PLEKHA6: variants seen among roughly 807,000 people sequenced by gnomAD.
PLEKHA6 encodes pleckstrin homology domain-containing family A member 6.
Under a neutral mutation model 116.7 loss-of-function variants are expected in PLEKHA6, and 60 were observed. The ratio of observed to expected loss-of-function variants is 0.51; its 90% CI spans 0.42 to 0.64. The LOEUF (loss-of-function observed/expected upper bound fraction) is 0.64, where lower values mean the gene tolerates loss of function less well. Ranked by LOEUF, PLEKHA6 falls within the 30% of genes least tolerant of loss-of-function variation. PLEKHA6 has a pLI of 0.00. For synonymous variants in PLEKHA6, 489 were observed against 556.1 expected (o/e 0.88, Z 1.70); for missense variants, 1,338 against 1,422.7 (o/e 0.94, Z 0.96).
intron 5 of PLEKHA6, among the ~76,000 whole-genome samples, chr1:204,265,891 G>C (rs1666750686): frequency 6.6e-6 from 1 of 152,198 alleles, no homozygotes. Flanking sequence ...GGAGCCTGAT[G>C]GATTGGCCAG....
At chr1:204,287,708 T>C (rs958390022) in intron 1 of PLEKHA6, among the ~76,000 whole-genome samples, 3 of 151,966 alleles carry the variant, frequency 2.0e-5, no homozygotes, top group African/African-American at 7.3e-5. Context: ...CGTGGCCCCA[T>C]CCAGGAAATC....
At chr1:204,240,333 C>T (rs188959873) in intron 17 of PLEKHA6, among the ~76,000 whole-genome samples, 161 of 152,330 alleles carry the variant, frequency 1.1e-3, no homozygotes, top group African/African-American at 3.7e-3. Flanking sequence ...TGCTGAGGTG[C>T]TTGCTGAAGG....
At chr1:204,319,791 G>A (rs1297791384) in intron 1 of PLEKHA6, among the ~76,000 whole-genome samples, 1 of 152,116 alleles carries the variant, frequency 6.6e-6, no homozygotes, top group African/African-American at 2.4e-5. Context: ...AAGAAAGGGA[G>A]GAAAGGGAGG....
chr1:204,235,759 C>A (rs529496881), intron 17 of PLEKHA6, among the ~76,000 whole-genome samples: 1 of 152,268 alleles, frequency 6.6e-6, no homozygotes, highest in East Asian at 1.9e-4. Context: ...CTCTTATGAA[C>A]CTTTTTTTGC....
At chr1:204,309,442 C>G (rs1428918078) in intron 1 of PLEKHA6, 1 of 152,240 alleles carries the variant, frequency 6.6e-6, no homozygotes, top group Non-Finnish European at 1.5e-5. Context: ...TGCATTTTTC[C>G]TGTACTTTTT....
chr1:204,276,679 CAG>C (rs1668046562), intron 1 of PLEKHA6, among the ~76,000 whole-genome samples: 1 of 140,930 alleles, frequency 7.1e-6, no homozygotes, highest in Admixed American at 7.1e-5. Context: ...CACACACACA[CAG>C]AAGCATACAC....
At chr1:204,299,663 A>G (rs1445230245) in intron 1 of PLEKHA6, 1 of 984,512 alleles carries the variant, frequency 1.0e-6, no homozygotes, top group Non-Finnish European at 1.2e-6. Context: ...CTACTGTCTT[A>G]GGGCCTCACA....
At chr1:204,352,075 A>G (rs2103366505) in intron 1 of PLEKHA6, among the ~76,000 whole-genome samples, 1 of 151,482 alleles carries the variant, frequency 6.6e-6, no homozygotes, top group East Asian at 1.9e-4. Context: ...CTTTGTCTCA[A>G]AAAAAAAGAT....
intron 1 of PLEKHA6, among the ~76,000 whole-genome samples, chr1:204,283,538 G>A (rs1668856638): frequency 6.6e-6 from 1 of 152,198 alleles, no homozygotes. Flanking sequence ...TTTAGAATCA[G>A]GGAAGCTGAG....
chr1:204,307,876 G>A lies in PLEKHA6; in HGVS notation c.-94-33067C>T. ...GCAGTTCAAGTCCAGGTGCTTAAGTGGCACTCAGGATCGAGGCAATAAGGG... is the reference window on the plus strand; with the variant it reads ...GCAGTTCAAGTCCAGGTGCTTAAGTAGCACTCAGGATCGAGGCAATAAGGG... On this transcript the variant is annotated intron_variant, in intron 1 of 22. Coordinates refer to ENST00000272203, the MANE Select transcript of PLEKHA6 (RefSeq NM_014935.5). 4.1e-6 allele frequency: 4 copies of A among 985,408 alleles called. No individual in the cohort carries two copies. The South Asian group carries it at 1.9e-4, about 46-fold the overall frequency. 61.0% of individuals were successfully genotyped at this position (985,408 alleles called of 1,614,324 possible).
chr1:204,345,411 C>G lies in PLEKHA6; in HGVS notation c.-95+14283G>C, dbSNP rs899561635. ...CTTCCCCTATGCCTGCCAACCCAGG[C>G]TTCTTTGCTCAGCCCCCTGGCCCCA... On this transcript the variant is annotated intron_variant, in intron 1 of 22. Transcript: ENST00000272203. Among the ~76,000 whole-genome samples, 10 of 152,152 alleles carry G rather than the reference C, an allele frequency of 6.6e-5. No individual in the cohort carries two copies. In the East Asian group the frequency reaches 1.5e-3, roughly 23 times the overall value.
At chr1:204,344,277 G>A (rs1043697660) in intron 1 of PLEKHA6, among the ~76,000 whole-genome samples, 3 of 152,084 alleles carry the variant, frequency 2.0e-5, no homozygotes, top group Non-Finnish European at 2.9e-5. Context: ...CCTCTAAGCC[G>A]GCTGAAAATA....
chr1:204,234,077 A>T (rs914930579), intron 17 of PLEKHA6, among the ~76,000 whole-genome samples: 3 of 152,216 alleles, frequency 2.0e-5, no homozygotes, highest in Admixed American at 6.5e-5. Flanking sequence ...ATCTGGAAAT[A>T]GGTCTCTGCA....
At chr1:204,330,903 C>A (rs1488691749) in intron 1 of PLEKHA6, among the ~76,000 whole-genome samples, 1 of 152,132 alleles carries the variant, frequency 6.6e-6, no homozygotes, top group Non-Finnish European at 1.5e-5. Context: ...CTGGAAAGAA[C>A]AAGCATCTCG....
chr1:204,287,025 C>G (rs772745717), intron 1 of PLEKHA6, among the ~76,000 whole-genome samples: 1 of 152,088 alleles, frequency 6.6e-6, no homozygotes, highest in Non-Finnish European at 1.5e-5. Context: ...CCTTATCGCT[C>G]GAATCTGCTT....
At position 204,274,722 on chromosome 1, in the gene PLEKHA6, C is replaced by T. The variant is rs1457285755; in HGVS notation, c.-14+7G>A. 4 of 985,780 alleles carry T rather than the reference C, an allele frequency of 4.1e-6. No homozygotes were observed. The African/African-American group carries it at 5.2e-5, about 13-fold the overall frequency. 61.1% of individuals were successfully genotyped at this position (985,780 alleles called of 1,614,324 possible). A position where few individuals can be genotyped will look rare whatever the true frequency, so the allele number is the denominator to read the frequency against. On this transcript the variant is annotated splice_region_variant and intron_variant, in intron 2 of 22. Transcript: ENST00000272203. Reference sequence around the variant, plus strand: ...AAGCCCAAACAGCAAGTAGGGGACACACTTACATTTTCAAGTCAAATTTTT... The same window carrying T: ...AAGCCCAAACAGCAAGTAGGGGACATACTTACATTTTCAAGTCAAATTTTT...
rs977568752 is a variant in PLEKHA6 at position 204,251,668 on chromosome 1, C to T, written c.1525-1054G>A. 1.0e-5 allele frequency: 7 copies of T among 685,662 alleles called. No individual in the cohort carries two copies. The African/African-American group carries it at 1.1e-4, about 10-fold the overall frequency. The allele number at this position is 685,662 out of a possible 1,614,324, so 42.5% of individuals were successfully genotyped here. On this transcript the variant is annotated intron_variant, in intron 9 of 22. Transcript: ENST00000272203. ...CTCCGACCTACATGTAGGTATCTCC[C>T]CTTCACCCACCTGTGCTTGTTTCCC...
chr1:204,313,687 T>C (rs1359291293), intron 1 of PLEKHA6: 1 of 985,340 alleles, frequency 1.0e-6, no homozygotes, highest in Non-Finnish European at 1.2e-6. Flanking sequence ...TCTTTGAGAT[T>C]TTCACCTGAC....
intron 1 of PLEKHA6, among the ~76,000 whole-genome samples, chr1:204,306,561 TGG>T (rs1313218573): frequency 6.6e-6 from 1 of 152,208 alleles, no homozygotes; most frequent in East Asian, 1.9e-4. Context: ...TTTGATCCCT[TGG>T]GTTGGTTCAA....
Sources: allele counts gnomAD v4.1 joint callset (sites outside exome capture counted in the v4.1 genomes callset), GRCh38; gene constraint gnomAD v4.1.1; transcripts MANE v1.5; gene names NCBI Gene and HGNC (gene_info 2026-07-23, HGNC 2026-07-21).